The following NOL11 variants were observed in gnomAD, a reference collection of about 807,000 sequenced individuals.
NOL11 encodes nucleolar protein 11.
A neutral mutation model predicts 93.0 loss-of-function variants in NOL11; 42 were observed. The ratio of observed to expected loss-of-function variants is 0.45; its 90% CI spans 0.35 to 0.58. The LOEUF (loss-of-function observed/expected upper bound fraction) is 0.58, where lower values mean the gene tolerates loss of function less well. Among genes scored for constraint, NOL11 ranks in the 20% least tolerant of loss-of-function variants. NOL11 has a pLI of 0.00. For missense variants in NOL11, 775 were observed against 841.8 expected, an observed-to-expected ratio of 0.92 and a Z score of 0.98; for synonymous variants, 296 against 293.7, an observed-to-expected ratio of 1.01 and a Z score of -0.08.
chr17:67,724,704 T>TTGAA (rs1018632529), intron 6 of NOL11, among the ~76,000 whole-genome samples: 15 of 152,332 alleles, frequency 9.8e-5, no homozygotes, highest in Non-Finnish European at 1.9e-4. Flanking sequence ...TGAGGGCCTA[T>TTGAA]TGAAGTACTT....
chr17:67,738,516 G>A (rs1172512200), intron 14 of NOL11, 161 bp downstream of exon 14: 5 of 596,238 alleles, frequency 8.4e-6, no homozygotes, highest in South Asian at 4.4e-5. Flanking sequence ...GCTACGTTAA[G>A]TAAGGTTTAC....
At chr17:67,720,053 T>C in intron 3 of NOL11, 91 bp downstream of exon 3, 5 of 1,209,498 alleles carry the variant, frequency 4.1e-6, no homozygotes, top group Non-Finnish European at 5.6e-6. Flanking sequence ...TTTTAATACC[T>C]CTGGGAAAAT....
At chr17:67,722,507 AATTTTGATTG>A in intron 4 of NOL11, 63 bp from the exon 5 acceptor site, 1 of 1,507,254 alleles carries the variant, frequency 6.6e-7, no homozygotes, top group East Asian at 2.5e-5. Context: ...ACTTTGATTA[AATTTTGATTG>A]ATATGTGTCT....
intron 4 of NOL11, 148 bp downstream of exon 4, chr17:67,721,674 A>T (rs2043218446): frequency 3.0e-6 from 2 of 664,334 alleles, no homozygotes; most frequent in East Asian, 5.5e-5. Flanking sequence ...ACAACATCCT[A>T]AAAAGCCTCT....
chr17:67,723,138 G>A (rs78374499), intron 5 of NOL11, among the ~76,000 whole-genome samples: 11,788 of 149,302 alleles, frequency 0.079, 1,153 homozygotes, highest in East Asian at 0.29. Flanking sequence ...TCAGCCTCCC[G>A]AGTAGCTGGG....
At chr17:67,727,672 T>C (rs2055109355) in intron 7 of NOL11, among the ~76,000 whole-genome samples, 1 of 148,744 alleles carries the variant, frequency 6.7e-6, no homozygotes, top group Non-Finnish European at 1.5e-5. Flanking sequence ...AAAAAAAAGA[T>C]AGGAGCTCCT....
rs1329723405 is a variant in NOL11 at position 67,739,573 on chromosome 17, ACT to A, written c.1903_1904del (p.Leu635SerfsTer52). On this transcript the variant is annotated frameshift_variant, in exon 16 of 18. Coordinates refer to ENST00000253247, the MANE Select transcript of NOL11 (RefSeq NM_015462.5). LOFTEE classifies it high-confidence loss of function. The part of the protein sequence containing the change: ...YLKCSENATM[T>X]LPGIHPPTLN... ...GAAGTGTAGCGAAAATGCTACTATGACTCTTCCTGGAATACACCCACCTACCT... is the reference window on the plus strand; with the variant it reads ...GAAGTGTAGCGAAAATGCTACTATGACTTCCTGGAATACACCCACCTACCT... 6.2e-7 allele frequency: 1 copy of A among 1,600,882 alleles called. No homozygotes were observed. Among genetic ancestry groups the A allele is most frequent in the Non-Finnish European group, 8.5e-7 (1 of 1,175,164 alleles).
chr17:67,721,854 G>C (rs1453446171), intron 4 of NOL11, among the ~76,000 whole-genome samples: 1 of 152,172 alleles, frequency 6.6e-6, no homozygotes, highest in East Asian at 1.9e-4. Flanking sequence ...AAAGTGCATC[G>C]TGTTAGTGAA....
Position 67,734,372 on chromosome 17 carries a change from CTG to C in NOL11, c.865_866del (p.Val289MetfsTer45). The C allele has an allele frequency of 6.3e-7, 1 of 1,588,732 alleles. No individual in the cohort carries two copies. Among genetic ancestry groups the C allele is most frequent in the Non-Finnish European group, 8.6e-7 (1 of 1,157,532 alleles). Reference sequence around the variant, plus strand: ...ATGTCTTATTTTATAGAATGCCTCTCTGTATGGAACATAAAATTTCAAACACT... The same window carrying C: ...ATGTCTTATTTTATAGAATGCCTCTCTATGGAACATAAAATTTCAAACACT... On this transcript the variant is annotated frameshift_variant, in exon 8 of 18. Coordinates refer to ENST00000253247, the MANE Select transcript of NOL11 (RefSeq NM_015462.5). LOFTEE classifies it high-confidence loss of function.
rs370309954 is a variant in NOL11 at position 67,743,866 on chromosome 17, C to A, written c.*7C>A. On this transcript the variant is annotated 3_prime_UTR_variant, in exon 18 of 18. Transcript: ENST00000253247. The stretch of plus-strand genomic sequence containing the variant: ...AGTGCTGGAGCTCTTCTGATATTAT[C>A]AATTCTCCTTCATAGACATTTTATA... The A allele has an allele frequency of 9.6e-5, 120 of 1,243,968 alleles. No individual in the cohort carries two copies. In the African/African-American group the frequency reaches 1.7e-3, roughly 18 times the overall value. The allele number at this position is 1,243,968 out of a possible 1,614,324, so 77.1% of individuals were successfully genotyped here. A position where few individuals can be genotyped will look rare whatever the true frequency, so the allele number is the denominator to read the frequency against.
In NOL11 at chr17:67,734,443, A is replaced by G. The variant is rs2055183370; in HGVS notation, c.930+4A>G. On this transcript the variant is annotated splice_donor_region_variant and intron_variant, in intron 8 of 17. Coordinates refer to ENST00000253247, the MANE Select transcript of NOL11 (RefSeq NM_015462.5). ...ACCACAAGGGACCAGTGGTCAAGTA[A>G]GTTTTTTCACTTGAGTACTTTCTCT... 6.3e-7 allele frequency: 1 copy of G among 1,581,658 alleles called. No homozygotes were observed.
intron 16 of NOL11, chr17:67,743,246 T>G (rs921561434): frequency 3.6e-5 from 11 of 303,558 alleles, no homozygotes; most frequent in Non-Finnish European, 6.0e-5. Context: ...CCAGCCTGGG[T>G]GACATAGCAA....
chr17:67,721,226 A>G, intron 3 of NOL11, 152 bp from the exon 4 acceptor site: 1 of 489,320 alleles, frequency 2.0e-6, no homozygotes, highest in Non-Finnish European at 3.5e-6. Flanking sequence ...TTTGTGTTGT[A>G]GGTTAGATTT....
chr17:67,737,820 A>G (rs377712143), intron 12 of NOL11, 27 bp from the exon 13 acceptor site: 35 of 1,602,258 alleles, frequency 2.2e-5, no homozygotes, highest in Middle Eastern at 1.7e-4. Flanking sequence ...TTAATATGTA[A>G]TAGTGATTCA....
At position 67,739,527 on chromosome 17, in the gene NOL11, G is replaced by T; in HGVS notation, c.1854G>T (p.Lys618Asn). ...IPAQHITLFL[K>N]YLYFLYLKCS... is the part of the protein sequence containing the mutation. ...TTTTTCCCACCCAGCTGTTTCTTAA[G>T]TATTTGTATTTCCTGTACCTGAAGT... is the stretch of plus-strand genomic sequence containing the variant. The change falls in exon 16 of 18, where the codon AAG (lysine) becomes AAT (asparagine). Residue 618 changes from lysine (K) to asparagine (N), a missense_variant. Lys to Asn is a moderately conservative substitution (Grantham distance 94, BLOSUM62 0). Coordinates refer to ENST00000253247, the MANE Select transcript of NOL11 (RefSeq NM_015462.5). The T allele has an allele frequency of 6.3e-7, 1 of 1,581,580 alleles. No individual in the cohort carries two copies. Among genetic ancestry groups the T allele is most frequent in the Non-Finnish European group, 8.6e-7 (1 of 1,167,638 alleles).
rs577666372 is a variant in NOL11 at position 67,718,234 on chromosome 17, G to A, written c.141+146G>A. ...CGGCTGGGCCTGTTGGGGACGCTGA[G>A]TGAGGTCTGGAATCTGGCTTGCTTG... On this transcript the variant is annotated intron_variant, in intron 1 of 17. Transcript: ENST00000253247. The A allele has an allele frequency of 1.7e-4, 192 of 1,107,424 alleles. No individual in the cohort carries two copies. The South Asian group carries it at 2.8e-3, about 16-fold the overall frequency. 68.6% of individuals were successfully genotyped at this position (1,107,424 alleles called of 1,614,324 possible).
rs2055183399 is a variant in NOL11, at chr17:67,734,451, C to T, written c.930+12C>T. On this transcript the variant is annotated intron_variant, in intron 8 of 17. Transcript: ENST00000253247. ...GGACCAGTGGTCAAGTAAGTTTTTT[C>T]ACTTGAGTACTTTCTCTGATTTAGT... 1 of 1,496,636 alleles carries T rather than the reference C, an allele frequency of 6.7e-7. No homozygotes were observed. Among genetic ancestry groups the T allele is most frequent in the Non-Finnish European group, 9.3e-7 (1 of 1,076,720 alleles). 92.7% of individuals were successfully genotyped at this position (1,496,636 alleles called of 1,614,324 possible). A position where few individuals can be genotyped will look rare whatever the true frequency, so the allele number is the denominator to read the frequency against.
intron 6 of NOL11, 133 bp downstream of exon 6, chr17:67,724,326 C>G: frequency 2.1e-6 from 1 of 474,800 alleles, no homozygotes; most frequent in Admixed American, 4.6e-5. Flanking sequence ...AGCGTTCATG[C>G]CTTCACTTTT....
intron 10 of NOL11, 98 bp from the exon 11 acceptor site, chr17:67,736,973 A>G: frequency 1.2e-6 from 1 of 852,664 alleles, no homozygotes; most frequent in Non-Finnish European, 1.9e-6. Flanking sequence ...GATGAGAGCA[A>G]AAGTGTGCTA....
Sources: gnomAD v4.1 joint callset for allele counts (sites outside exome capture counted in the v4.1 genomes callset) on GRCh38, gnomAD v4.1.1 for gene constraint, MANE v1.5 for transcripts, NCBI Gene and HGNC (gene_info 2026-07-23, HGNC 2026-07-21) for gene names.